Variants in CABLES1 observed in about 807,000 individuals in gnomAD.
CABLES1 encodes the protein CDK5 and ABL1 enzyme substrate 1.
CABLES1 carries 36 observed loss-of-function variants against 57.8 expected under a neutral mutation model. The observed-to-expected ratio is 0.62, with a 90% CI of 0.48 to 0.82. CABLES1 has a LOEUF of 0.82. Among genes scored for constraint, CABLES1 ranks in the 40% least tolerant of loss-of-function variants. The probability of loss-of-function intolerance (pLI) is 0.00; values close to 1 mark genes in which losing one functional copy is unlikely to be tolerated. For missense variants in CABLES1, 767 were observed against 836.6 expected, an observed-to-expected ratio of 0.92 and a Z score of 1.03; for synonymous variants, 374 against 363.0, an observed-to-expected ratio of 1.03 and a Z score of -0.35.
At position 23,259,401 on chromosome 18, in the gene CABLES1, CTG is replaced by C. The variant is rs2048241399; in HGVS notation, c.*2039_*2040del. ...TGGGGAGAGAAGCCTGAGTCCTTTCCTGTGTGATAAAATCAGGCTAATTTACT... is the reference window on the plus strand; with the variant it reads ...TGGGGAGAGAAGCCTGAGTCCTTTCCTGTGATAAAATCAGGCTAATTTACT... On this transcript the variant is annotated 3_prime_UTR_variant, in exon 10 of 10. Transcript: ENST00000256925. The C allele has an allele frequency of 1.3e-5, 2 of 152,114 alleles. No homozygotes were observed. The highest frequency in any genetic ancestry group is 2.9e-5 in the Non-Finnish European group (2 of 68,048). The allele number at this position is 152,114 out of a possible 1,614,324, so 9.4% of individuals were successfully genotyped here. A position where few individuals can be genotyped will look rare whatever the true frequency, so the allele number is the denominator to read the frequency against.
At chr18:23,235,070 T>G (rs28403533) in intron 5 of CABLES1, among the ~76,000 whole-genome samples, 1 of 152,162 alleles carries the variant, frequency 6.6e-6, no homozygotes, top group African/African-American at 2.4e-5. Flanking sequence ...TAGCTTCCCA[T>G]GGTCCTGGGA....
chr18:23,194,935 G>C (rs1022743940), intron 3 of CABLES1, among the ~76,000 whole-genome samples: 1 of 152,144 alleles, frequency 6.6e-6, no homozygotes, highest in Non-Finnish European at 1.5e-5. Flanking sequence ...TGCCCTCCCA[G>C]ATATGCGCCT....
intron 1 of CABLES1, among the ~76,000 whole-genome samples, chr18:23,143,319 C>G (rs1323819785): frequency 6.6e-6 from 1 of 152,170 alleles, no homozygotes; most frequent in African/African-American, 2.4e-5. Flanking sequence ...TCCCTGACAC[C>G]TTTATTGCCT....
At chr18:23,222,105 A>AAAG in intron 4 of CABLES1, among the ~76,000 whole-genome samples, 2 of 152,306 alleles carry the variant, frequency 1.3e-5, no homozygotes, top group Admixed American at 1.3e-4. Flanking sequence ...GTGGTCCCCC[A>AAAG]GACTTAACAG....
intron 4 of CABLES1, among the ~76,000 whole-genome samples, chr18:23,223,599 A>AT (rs1347372868): frequency 6.7e-6 from 1 of 149,304 alleles, no homozygotes; most frequent in African/African-American, 2.5e-5. Flanking sequence ...AAAAAAAAAA[A>AT]GTTGGCGGGG....
At chr18:23,166,831 A>G (rs1166703312) in intron 1 of CABLES1, among the ~76,000 whole-genome samples, 2 of 152,222 alleles carry the variant, frequency 1.3e-5, no homozygotes, top group Admixed American at 6.5e-5. Context: ...GCAGGTGGCC[A>G]TGAGTGCAGA....
intron 1 of CABLES1, among the ~76,000 whole-genome samples, chr18:23,146,536 T>A (rs1360007601): frequency 1.3e-5 from 2 of 152,200 alleles, no homozygotes; most frequent in Admixed American, 1.3e-4. Flanking sequence ...ATTATTTTAT[T>A]TATTGAGTTG....
chr18:23,174,710 A>G (rs369684576), intron 1 of CABLES1, among the ~76,000 whole-genome samples: 112 of 150,140 alleles, frequency 7.5e-4, no homozygotes, highest in Middle Eastern at 3.4e-3. Context: ...CTGACCTCGT[A>G]ATCCGCCCAC....
intron 4 of CABLES1, among the ~76,000 whole-genome samples, chr18:23,233,053 C>A (rs1040218205): frequency 2.0e-5 from 3 of 152,178 alleles, no homozygotes; most frequent in African/African-American, 4.8e-5. Context: ...TCCATCCAGG[C>A]CACACAGCAA....
rs745477983 is a variant in CABLES1, at chr18:23,234,707, AAGGCTGCC to A, written c.1185+14_1185+21del. The A allele has an allele frequency of 3.9e-4, 621 of 1,611,556 alleles. 1 individual carries two copies. The highest frequency in any genetic ancestry group is 7.2e-4 in the Middle Eastern group (4 of 5,536). On this transcript the variant is annotated splice_donor_5th_base_variant and intron_variant, in intron 5 of 9. Transcript: ENST00000256925. ...TGGAGCTGGGTGCTGATGGGAAGGT[AAGGCTGCC>A]AGGCTGCCAGTCACCAAGTTGTGCT... is the stretch of plus-strand genomic sequence containing the variant.
intron 1 of CABLES1, among the ~76,000 whole-genome samples, chr18:23,144,422 T>C (rs1449932126): frequency 6.6e-6 from 1 of 152,224 alleles, no homozygotes; most frequent in Non-Finnish European, 1.5e-5. Flanking sequence ...GCTAAAACAA[T>C]CTGTCATGGG....
At chr18:23,248,026 G>A (rs1388390183) in intron 7 of CABLES1, among the ~76,000 whole-genome samples, 1 of 152,242 alleles carries the variant, frequency 6.6e-6, no homozygotes, top group Non-Finnish European at 1.5e-5. Flanking sequence ...GACCCCAAGA[G>A]CTAGGACAAG....
intron 4 of CABLES1, among the ~76,000 whole-genome samples, chr18:23,231,375 G>T (rs117697114): frequency 6.6e-6 from 1 of 152,162 alleles, no homozygotes; most frequent in African/African-American, 2.4e-5. Flanking sequence ...TATGGAACAC[G>T]GTAGATAAGG....
In CABLES1 at chr18:23,139,189, G is replaced by A. The variant is rs1186991578; in HGVS notation, c.845+2582G>A. ...GGCCGAGGCAGGTGGATCACCTGAG[G>A]TCAGGAGTTCAAGACCAGCCTGGCC... is the stretch of plus-strand genomic sequence containing the variant. On this transcript the variant is annotated intron_variant, in intron 1 of 9. Transcript: ENST00000256925. Among the ~76,000 whole-genome samples the A allele has an allele frequency of 2.6e-5, 4 of 152,038 alleles. No homozygotes were observed. In the South Asian group the frequency reaches 6.2e-4, roughly 24 times the overall value.
intron 1 of CABLES1, among the ~76,000 whole-genome samples, chr18:23,178,590 AG>A (rs1181818187): frequency 6.6e-6 from 1 of 152,222 alleles, no homozygotes; most frequent in Non-Finnish European, 1.5e-5. Context: ...ATCTTCAAGT[AG>A]GGACTGACAT....
At chr18:23,208,829 C>T (rs1452826694) in intron 3 of CABLES1, among the ~76,000 whole-genome samples, 4 of 152,342 alleles carry the variant, frequency 2.6e-5, no homozygotes, top group Non-Finnish European at 4.4e-5. Context: ...TCAACTCTTC[C>T]AGCTTCCAGT....
At chr18:23,177,271 G>A (rs886428041) in intron 1 of CABLES1, among the ~76,000 whole-genome samples, 21 of 152,076 alleles carry the variant, frequency 1.4e-4, no homozygotes, top group Admixed American at 6.6e-4. Context: ...TCTCAGGAAC[G>A]AGTTCTGCTC....
At chr18:23,144,519 T>C (rs1256027700) in intron 1 of CABLES1, among the ~76,000 whole-genome samples, 1 of 152,154 alleles carries the variant, frequency 6.6e-6, no homozygotes, top group Admixed American at 6.6e-5. Context: ...GGAGGTGACT[T>C]GTATGGAGTT....
Position 23,257,212 on chromosome 18 carries a change from T to G in CABLES1, c.1762-15T>G. The G allele has an allele frequency of 1.2e-6, 2 of 1,603,578 alleles. No individual in the cohort carries two copies. The highest frequency in any genetic ancestry group is 1.7e-6 in the Non-Finnish European group (2 of 1,177,656). ...TTTCAAAATGAACATGCTTTTGATT[T>G]TCTTTTTGTTGCAGAAACTGGAAGA... On this transcript the variant is annotated splice_polypyrimidine_tract_variant and intron_variant, in intron 9 of 9. Coordinates refer to ENST00000256925, the MANE Select transcript of CABLES1 (RefSeq NM_001100619.3).
Sources: allele counts gnomAD v4.1 joint callset (sites outside exome capture counted in the v4.1 genomes callset), GRCh38; gene constraint gnomAD v4.1.1; transcripts MANE v1.5; gene names NCBI Gene and HGNC (gene_info 2026-07-23, HGNC 2026-07-21).